CREB5: variants seen among roughly 807,000 people sequenced by gnomAD.
The protein encoded by CREB5 is cyclic AMP-responsive element-binding protein 5.
CREB5 carries 19 observed loss-of-function variants against 57.1 expected under a neutral mutation model. That is an observed-to-expected ratio of 0.33 (90% CI 0.23 to 0.49). The LOEUF is 0.49. Ranked by LOEUF, CREB5 falls within the 20% of genes least tolerant of loss-of-function variation. CREB5 has a pLI of 0.99. For synonymous variants in CREB5, 238 were observed against 238.3 expected, an observed-to-expected ratio of 1.00 and a Z score of 0.01; for missense variants, 579 against 671.6, an observed-to-expected ratio of 0.86 and a Z score of 1.52.
At chr7:28,387,379 A>G (rs1364378895) in intron 1 of CREB5, among the ~76,000 whole-genome samples, 1 of 151,606 alleles carries the variant, frequency 6.6e-6, no homozygotes, top group African/African-American at 2.4e-5. Flanking sequence ...ATGTCTTTTG[A>G]GAAGTATTTG....
chr7:28,660,324 A>G (rs552230964), intron 5 of CREB5, among the ~76,000 whole-genome samples: 10 of 151,896 alleles, frequency 6.6e-5, no homozygotes, highest in African/African-American at 2.4e-4. Flanking sequence ...AACTGAGGGA[A>G]ATTATTTTGA....
At chr7:28,612,155 A>G (rs41280) in intron 5 of CREB5, among the ~76,000 whole-genome samples, 126,827 of 152,112 alleles carry the variant, frequency 0.83, 52,943 homozygotes, top group East Asian at 0.98. Context: ...TGTATGGTTA[A>G]CACAGGTAGG....
At chr7:28,560,829 CGCGCGTGT>C (rs1583628509) in intron 4 of CREB5, among the ~76,000 whole-genome samples, 3 of 65,244 alleles carry the variant, frequency 4.6e-5, no homozygotes, top group Non-Finnish European at 6.2e-5. Context: ...TGTGCGCGCG[CGCGCGTGT>C]GTGTGTGCGC....
intron 9 of CREB5, among the ~76,000 whole-genome samples, chr7:28,814,501 A>G (rs752310525): frequency 1.3e-5 from 2 of 152,244 alleles, no homozygotes; most frequent in Non-Finnish European, 2.9e-5. Flanking sequence ...AAGAGGTGCT[A>G]GAACTGGCTC....
Position 28,560,897 on chromosome 7 carries a change from C to CGTGCGTGTGT in CREB5, c.292-9463_292-9462insTGTGTGTGCG, listed in dbSNP as rs1554344444. Among the ~76,000 whole-genome samples, 111 of 22,542 alleles carry CGTGCGTGTGT rather than the reference C, an allele frequency of 4.9e-3. 11 individuals carry two copies. The highest frequency in any genetic ancestry group is 0.016 in the African/African-American group (102 of 6,376). The allele number at this position is 22,542 out of a possible 152,430, so 14.8% of individuals were successfully genotyped here. A position where few individuals can be genotyped will look rare whatever the true frequency, so the allele number is the denominator to read the frequency against. ...GCGCGTGCGTGCGTGCGTGTGTGTGCGTGCGCGCGTGCGTGTGCGTGTGTG... is the reference window on the plus strand; with the variant it reads ...GCGCGTGCGTGCGTGCGTGTGTGTGCGTGCGTGTGTGTGCGCGCGTGCGTGTGCGTGTGTG... On this transcript the variant is annotated intron_variant, in intron 4 of 10. Coordinates refer to ENST00000357727, the MANE Select transcript of CREB5 (RefSeq NM_182898.4).
At chr7:28,630,395 A>G (rs956749082) in intron 5 of CREB5, among the ~76,000 whole-genome samples, 1 of 152,206 alleles carries the variant, frequency 6.6e-6, no homozygotes, top group Non-Finnish European at 1.5e-5. Flanking sequence ...TAGCAACTTC[A>G]GGAACAATGG....
chr7:28,304,146 G>A (rs1391656312), intron 1 of CREB5, among the ~76,000 whole-genome samples: 1 of 152,172 alleles, frequency 6.6e-6, no homozygotes, highest in East Asian at 1.9e-4. Context: ...TATTAAAGAT[G>A]TGAGCCTGGT....
At chr7:28,401,996 C>T (rs1458753450) in intron 1 of CREB5, among the ~76,000 whole-genome samples, 2 of 152,204 alleles carry the variant, frequency 1.3e-5, no homozygotes, top group African/African-American at 4.8e-5. Context: ...CACTGTCTTC[C>T]ACAATGGTTG....
intron 5 of CREB5, among the ~76,000 whole-genome samples, chr7:28,641,598 GA>G (rs146985013): frequency 0.012 from 1,844 of 152,186 alleles, 36 homozygotes; most frequent in African/African-American, 0.042. Context: ...TTGCTTCAGG[GA>G]AAAAACAAAA....
chr7:28,657,034 G>C (rs1799358348), intron 5 of CREB5, among the ~76,000 whole-genome samples: 1 of 152,084 alleles, frequency 6.6e-6, no homozygotes, highest in Non-Finnish European at 1.5e-5. Context: ...AATTTCAAGT[G>C]ATTAGGTGCA....
chr7:28,327,796 A>T (rs865783972), intron 1 of CREB5, among the ~76,000 whole-genome samples: 27 of 152,210 alleles, frequency 1.8e-4, no homozygotes, highest in Non-Finnish European at 3.4e-4. Flanking sequence ...GAGAGAGAAA[A>T]TGCTAACACA....
At chr7:28,403,634 C>G (rs1010945298) in intron 1 of CREB5, among the ~76,000 whole-genome samples, 1 of 152,144 alleles carries the variant, frequency 6.6e-6, no homozygotes, top group African/African-American at 2.4e-5. Flanking sequence ...TGTCAAATCT[C>G]TTGCTGTCTG....
intron 4 of CREB5, among the ~76,000 whole-genome samples, chr7:28,551,425 C>T (rs540320893): frequency 1.3e-5 from 2 of 152,276 alleles, no homozygotes; most frequent in African/African-American, 4.8e-5. Context: ...CAAATCCTTT[C>T]ACAAAACACA....
At chr7:28,527,845 A>ATTGTTTGTT (rs1165169125) in intron 4 of CREB5, among the ~76,000 whole-genome samples, 1 of 151,984 alleles carries the variant, frequency 6.6e-6, no homozygotes, top group African/African-American at 2.4e-5. Flanking sequence ...AAATATACTT[A>ATTGTTTGTT]TTGTTTGTTT....
chr7:28,611,672 CTAAA>C (rs111666594), intron 5 of CREB5, among the ~76,000 whole-genome samples: 29,630 of 135,008 alleles, frequency 0.22, 3,529 homozygotes, highest in Middle Eastern at 0.3. Flanking sequence ...ACTCTGTCTC[CTAAA>C]TAAATAAATA....
rs560407342 is a variant in CREB5 at position 28,580,458 on chromosome 7, C to T, written c.464+9921C>T. Among the ~76,000 whole-genome samples the T allele has an allele frequency of 4.4e-4, 65 of 146,444 alleles. 2 individuals are homozygous for T. In the South Asian group the frequency reaches 0.013, roughly 30 times the overall value. On this transcript the variant is annotated intron_variant, in intron 5 of 10. Transcript: ENST00000357727. ...ACACACACACACACACACACACACACACACAATAGATAGCTGCTACTTATT... is the reference window on the plus strand; with the variant it reads ...ACACACACACACACACACACACACATACACAATAGATAGCTGCTACTTATT...
intron 4 of CREB5, among the ~76,000 whole-genome samples, chr7:28,522,924 A>G (rs942030105): frequency 1.3e-5 from 2 of 152,244 alleles, no homozygotes; most frequent in South Asian, 2.1e-4. Context: ...CCAGTTCCCA[A>G]CCAAGCATGG....
rs894621118 is a variant in CREB5 at position 28,582,240 on chromosome 7, C to T, written c.464+11703C>T. On this transcript the variant is annotated intron_variant, in intron 5 of 10. Coordinates refer to ENST00000357727, the MANE Select transcript of CREB5 (RefSeq NM_182898.4). ...AAAATTTCATGGGAGTATAGAGTTG[C>T]TGCTTTTTCGTTTTTCATTTGTTCT... Among the ~76,000 whole-genome samples the T allele has an allele frequency of 8.2e-5, 12 of 146,000 alleles. No individual in the cohort carries two copies. In the East Asian group the frequency reaches 1.8e-3, roughly 21 times the overall value.
At chr7:28,531,472 C>T (rs1228737722) in intron 4 of CREB5, among the ~76,000 whole-genome samples, 3 of 152,122 alleles carry the variant, frequency 2.0e-5, no homozygotes, top group African/African-American at 7.2e-5. Flanking sequence ...CCACATTTCC[C>T]CTTTTCATAA....
Sources: allele counts gnomAD v4.1 joint callset (sites outside exome capture counted in the v4.1 genomes callset), GRCh38; gene constraint gnomAD v4.1.1; transcripts MANE v1.5; gene names NCBI Gene and HGNC (gene_info 2026-07-23, HGNC 2026-07-21).